The following EDN1 variants were observed in gnomAD, a reference collection of about 807,000 sequenced individuals.
EDN1 encodes endothelin 1, also known as endothelin-1.
In EDN1, 11 loss-of-function variants were observed where a neutral mutation model predicts 21.7. That is an observed-to-expected ratio of 0.51 (90% CI 0.32 to 0.84). EDN1 has a LOEUF of 0.84. Ranked by LOEUF, EDN1 falls within the 40% of genes least tolerant of loss-of-function variation. The pLI is 0.03. For synonymous variants in EDN1, 85 were observed against 90.6 expected (o/e 0.94, Z 0.35); for missense variants, 244 against 262.3 (o/e 0.93, Z 0.48).
chr6:12,247,836 G>A, the EDN1 span, among the ~76,000 whole-genome samples: 2,236 of 152,132 alleles, frequency 0.015, 59 homozygotes, highest in African/African-American at 0.049. Context: ...ACCACACGCA[G>A]CTCTAATGGA....
chr6:12,257,012 A>G, the EDN1 span, among the ~76,000 whole-genome samples: 1 of 148,666 alleles, frequency 6.7e-6, no homozygotes, highest in Non-Finnish European at 1.5e-5. Flanking sequence ...AATCTCAATG[A>G]CATATCGATA....
chr6:12,234,584 A>T, the EDN1 span, among the ~76,000 whole-genome samples: 58 of 152,340 alleles, frequency 3.8e-4, no homozygotes, highest in African/African-American at 1.2e-3. Context: ...TTTCTGAAGC[A>T]AAAGTCTCTG....
At chr6:12,232,791 T>C in the EDN1 span, among the ~76,000 whole-genome samples, 1 of 152,236 alleles carries the variant, frequency 6.6e-6, no homozygotes, top group Non-Finnish European at 1.5e-5. Context: ...TTCATGCATA[T>C]ACCTTTTGGT....
chr6:12,268,477 T>C, the EDN1 span, among the ~76,000 whole-genome samples: 1 of 152,200 alleles, frequency 6.6e-6, no homozygotes, highest in Non-Finnish European at 1.5e-5. Context: ...TAATCCATTT[T>C]GAGTTAATAT....
the EDN1 span, among the ~76,000 whole-genome samples, chr6:12,258,821 G>C: frequency 1.3e-5 from 2 of 152,114 alleles, no homozygotes; most frequent in Admixed American, 6.6e-5. Flanking sequence ...AGCTAGACAA[G>C]ACAGCTCCCT....
At chr6:12,244,134 G>T in the EDN1 span, among the ~76,000 whole-genome samples, 1 of 151,584 alleles carries the variant, frequency 6.6e-6, no homozygotes, top group Admixed American at 6.6e-5. Flanking sequence ...CTATATCAAA[G>T]AAATATTTTA....
the EDN1 span, among the ~76,000 whole-genome samples, chr6:12,253,890 T>C: frequency 1.3e-5 from 2 of 152,152 alleles, no homozygotes; most frequent in African/African-American, 4.8e-5. Flanking sequence ...CGTTTTGTTT[T>C]TCTACCTCCT....
At chr6:12,275,004 C>CCATT in the EDN1 span, among the ~76,000 whole-genome samples, 3 of 140,402 alleles carry the variant, frequency 2.1e-5, no homozygotes, top group African/African-American at 5.5e-5. Flanking sequence ...CTCCCTCCCT[C>CCATT]CCTTCCTTCC....
the EDN1 span, among the ~76,000 whole-genome samples, chr6:12,233,048 G>A: frequency 6.6e-6 from 1 of 152,180 alleles, no homozygotes; most frequent in East Asian, 1.9e-4. Flanking sequence ...TCCTTTGGCT[G>A]GATCCAAAGA....
At chr6:12,250,552 T>A in the EDN1 span, among the ~76,000 whole-genome samples, 1 of 152,204 alleles carries the variant, frequency 6.6e-6, no homozygotes, top group Non-Finnish European at 1.5e-5. Flanking sequence ...CTGTGTAAGA[T>A]TGAGTTTTGA....
chr6:12,262,444 G>T, the EDN1 span, among the ~76,000 whole-genome samples: 2 of 152,184 alleles, frequency 1.3e-5, no homozygotes, highest in African/African-American at 4.8e-5. Flanking sequence ...CCAGAGAGTA[G>T]ATCTCACTCC....
chr6:12,252,257 G>A, the EDN1 span, among the ~76,000 whole-genome samples: 1 of 152,156 alleles, frequency 6.6e-6, no homozygotes, highest in Non-Finnish European at 1.5e-5. Context: ...AATCATTGCT[G>A]CTGAAGTTCT....
the EDN1 span, among the ~76,000 whole-genome samples, chr6:12,242,700 C>T: frequency 0.013 from 1,975 of 151,880 alleles, 53 homozygotes; most frequent in African/African-American, 0.044. Context: ...GGCTTTGGAT[C>T]GCTGCTCACC....
At chr6:12,236,197 C>T in the EDN1 span, among the ~76,000 whole-genome samples, 1,144 of 152,258 alleles carry the variant, frequency 7.5e-3, 19 homozygotes, top group African/African-American at 0.026. Context: ...TATTATCTCA[C>T]TTTGTAGGTT....
chr6:12,252,791 C>T, the EDN1 span, among the ~76,000 whole-genome samples: 44 of 152,102 alleles, frequency 2.9e-4, no homozygotes, highest in African/African-American at 1.0e-3. Flanking sequence ...AAGCCACGTG[C>T]TCTGCAAGAT....
At chr6:12,256,580 G>A in the EDN1 span, among the ~76,000 whole-genome samples, 1 of 152,140 alleles carries the variant, frequency 6.6e-6, no homozygotes, top group Non-Finnish European at 1.5e-5. Flanking sequence ...GTAAGCATGT[G>A]TCTTCCCAAG....
upstream of EDN1, among the ~76,000 whole-genome samples, chr6:12,288,778 A>G (rs578225241): frequency 3.9e-5 from 6 of 152,210 alleles, no homozygotes; most frequent in South Asian, 1.2e-3. Flanking sequence ...TGTCCTTTTG[A>G]TTTTAGAAGG....
At position 12,290,424 on chromosome 6, in the gene EDN1, A is replaced by C. The variant is rs1581882736; in HGVS notation, c.-206A>C. 5.0e-6 allele frequency: 3 copies of C among 595,648 alleles called. No homozygotes were observed. Among genetic ancestry groups the C allele is most frequent in the East Asian group, 5.8e-5 (2 of 34,724 alleles). The allele number at this position is 595,648 out of a possible 1,614,324, so 36.9% of individuals were successfully genotyped here. A position where few individuals can be genotyped will look rare whatever the true frequency, so the allele number is the denominator to read the frequency against. On this transcript the variant is annotated 5_prime_UTR_variant, in exon 1 of 5. Coordinates refer to ENST00000379375, the MANE Select transcript of EDN1 (RefSeq NM_001955.5). Reference sequence around the variant, plus strand: ...GCGCCTCCTGCAGTCCCAGCTCTCCACCGCCGCGTGCGCCTGCAGACGCTC... The same window carrying C: ...GCGCCTCCTGCAGTCCCAGCTCTCCCCCGCCGCGTGCGCCTGCAGACGCTC...
At chr6:12,290,812 C>T (rs751083003) in intron 1 of EDN1, 119 bp downstream of exon 1, 27 of 878,976 alleles carry the variant, frequency 3.1e-5, no homozygotes, top group Non-Finnish European at 4.9e-5. Flanking sequence ...GCTTAGAGAG[C>T]AAGTGTCTGA....
Sources: allele counts gnomAD v4.1 joint callset (sites outside exome capture counted in the v4.1 genomes callset), GRCh38; gene constraint gnomAD v4.1.1; transcripts MANE v1.5; gene names NCBI Gene and HGNC (gene_info 2026-07-23, HGNC 2026-07-21).